Variants in MCMDC2 observed in about 807,000 individuals in gnomAD.
The protein encoded by MCMDC2 is minichromosome maintenance domain containing 2.
In MCMDC2, 54 loss-of-function variants were observed where a neutral mutation model predicts 75.8. The ratio of observed to expected loss-of-function variants is 0.71; its 90% CI spans 0.57 to 0.89. MCMDC2 has a LOEUF of 0.89. Among genes scored for constraint, MCMDC2 ranks in the 40% least tolerant of loss-of-function variants. The pLI is 0.00. For synonymous variants in MCMDC2, 249 were observed against 274.6 expected, an observed-to-expected ratio of 0.91 and a Z score of 0.92; for missense variants, 656 against 780.4, an observed-to-expected ratio of 0.84 and a Z score of 1.90.
intron 1 of MCMDC2, chr8:66,871,502 C>T (rs1811016129): frequency 6.6e-6 from 1 of 152,200 alleles, no homozygotes; most frequent in Non-Finnish European, 1.5e-5. Flanking sequence ...CCATTTCGTT[C>T]CTAATGCCCT....
intron 8 of MCMDC2, among the ~76,000 whole-genome samples, chr8:66,881,654 C>A (rs943999748): frequency 4.6e-5 from 7 of 152,048 alleles, no homozygotes; most frequent in Admixed American, 3.9e-4. Context: ...CCACTGTATT[C>A]CAGCCTGAGT....
intron 8 of MCMDC2, among the ~76,000 whole-genome samples, chr8:66,881,436 C>A (rs1024618884): frequency 6.6e-6 from 1 of 152,216 alleles, no homozygotes; most frequent in African/African-American, 2.4e-5. Flanking sequence ...CGCCTGTAAT[C>A]CCAGCACTGT....
At chr8:66,925,627 A>AT (rs1370216729), downstream of MCMDC2, 1 of 152,198 alleles carries the variant, frequency 6.6e-6, no homozygotes, top group Admixed American at 6.5e-5. Flanking sequence ...GCGGGTGCGA[A>AT]GGGGGGCTGA....
At chr8:66,908,192 T>TA (rs1812978028) in intron 14 of MCMDC2, among the ~76,000 whole-genome samples, 1 of 152,246 alleles carries the variant, frequency 6.6e-6, no homozygotes. Context: ...CTAGGGTTTT[T>TA]ATGCTTTTAG....
chr8:66,905,906 G>A (rs1812887878), intron 14 of MCMDC2, among the ~76,000 whole-genome samples: 1 of 151,798 alleles, frequency 6.6e-6, no homozygotes, highest in Non-Finnish European at 1.5e-5. Flanking sequence ...TCAGGAGGCT[G>A]AGGCAAGAGA....
chr8:66,904,589 C>T (rs1207074652), intron 13 of MCMDC2, among the ~76,000 whole-genome samples: 2 of 152,108 alleles, frequency 1.3e-5, no homozygotes, highest in African/African-American at 4.8e-5. Flanking sequence ...TCTAGAGACT[C>T]AGCCTAGGTT....
intron 14 of MCMDC2, among the ~76,000 whole-genome samples, chr8:66,913,962 TAAAAAAA>T (rs961586876): frequency 3.8e-5 from 3 of 78,600 alleles, no homozygotes; most frequent in African/African-American, 1.0e-4. Context: ...AGACTCTGTC[TAAAAAAA>T]AAAAAAAAAA....
chr8:66,915,435 A>G (rs1261811784), intron 14 of MCMDC2, among the ~76,000 whole-genome samples: 1 of 150,270 alleles, frequency 6.7e-6, no homozygotes, highest in Non-Finnish European at 1.5e-5. Context: ...CTAGGTGACA[A>G]AGCCAGACTC....
chr8:66,911,004 A>G (rs1449037936), intron 14 of MCMDC2, among the ~76,000 whole-genome samples: 1 of 152,198 alleles, frequency 6.6e-6, no homozygotes, highest in African/African-American at 2.4e-5. Flanking sequence ...CTTATCTCAG[A>G]TGAGACTTTG....
chr8:66,923,923 C>T (rs1207006805), downstream of MCMDC2, among the ~76,000 whole-genome samples: 1 of 151,950 alleles, frequency 6.6e-6, no homozygotes, highest in Non-Finnish European at 1.5e-5. Flanking sequence ...AAGCTATCCA[C>T]ACCACCCCCC....
chr8:66,920,161 G>A lies in MCMDC2; in HGVS notation c.*992G>A, dbSNP rs1813467756. 1 of 152,216 alleles carries A rather than the reference G, an allele frequency of 6.6e-6. No homozygotes were observed. Among genetic ancestry groups the A allele is most frequent in the African/African-American group, 2.4e-5 (1 of 41,436 alleles). 9.4% of individuals were successfully genotyped at this position (152,216 alleles called of 1,614,324 possible). On this transcript the variant is annotated 3_prime_UTR_variant, in exon 15 of 15. Transcript: ENST00000422365. Reference sequence around the variant, plus strand: ...TCTCCCACTCTCCACAGGACCCGGAGGAAGTTGTTCACTATTACTGAATAC... The same window carrying A: ...TCTCCCACTCTCCACAGGACCCGGAAGAAGTTGTTCACTATTACTGAATAC...
intron 5 of MCMDC2, among the ~76,000 whole-genome samples, chr8:66,878,038 C>CTTATTGCGGGGGACCTTATTGCA (rs1299929281): frequency 1.3e-5 from 2 of 151,892 alleles, no homozygotes; most frequent in Non-Finnish European, 2.9e-5. Context: ...TCTCCCCCGC[C>CTTATTGCGGGGGACCTTATTGCA]CCCATCTTAA....
At position 66,919,335 on chromosome 8, in the gene MCMDC2, T is replaced by A. The variant is rs1813433878; in HGVS notation, c.*166T>A. 4.1e-6 allele frequency: 2 copies of A among 493,180 alleles called. No individual in the cohort carries two copies. The highest frequency in any genetic ancestry group is 7.0e-5 in the East Asian group (2 of 28,648). The allele number at this position is 493,180 out of a possible 1,614,324, so 30.6% of individuals were successfully genotyped here. ...TAGTCCCCTCAAAACTAATTGCTAA[T>A]GGGATAAATACTAATCCAAACCTCT... On this transcript the variant is annotated 3_prime_UTR_variant, in exon 15 of 15. Transcript: ENST00000422365.
chr8:66,893,547 C>T (rs778501737), intron 10 of MCMDC2, among the ~76,000 whole-genome samples: 3 of 152,134 alleles, frequency 2.0e-5, no homozygotes, highest in Non-Finnish European at 4.4e-5. Flanking sequence ...AGGGCTTGTG[C>T]AGGGAAACTC....
rs1439896486 is a variant in MCMDC2, at chr8:66,919,095, C to T, written c.1972C>T (p.Gln658Ter). 1.3e-6 allele frequency: 2 copies of T among 1,550,696 alleles called. No homozygotes were observed. Among genetic ancestry groups the T allele is most frequent in the Non-Finnish European group, 1.7e-6 (2 of 1,146,468 alleles). Residue 658 changes from glutamine to a stop codon, truncating the protein, a stop_gained, in exon 15 of 15, where the codon CAG becomes TAG. Transcript: ENST00000422365. LOFTEE classifies it high-confidence loss of function. ...AGAGCAAAGGGATCTCTATCTGACTCAGTGCCAACAACAGCTGGAACAATT... is the reference window on the plus strand; with the variant it reads ...AGAGCAAAGGGATCTCTATCTGACTTAGTGCCAACAACAGCTGGAACAATT... Reference protein sequence around the residue: ...YLEQRDLYLTQCQQQLEQFIA... With the variant: ...YLEQRDLYLT
intron 12 of MCMDC2, 52 bp from the exon 13 acceptor site, chr8:66,901,154 A>T: frequency 7.4e-7 from 1 of 1,351,698 alleles, no homozygotes; most frequent in Non-Finnish European, 1.1e-6. Context: ...GATTTCTGTT[A>T]TATTGATTCC....
At chr8:66,899,949 GTC>G (rs1042350467) in intron 12 of MCMDC2, among the ~76,000 whole-genome samples, 1 of 143,626 alleles carries the variant, frequency 7.0e-6, no homozygotes, top group Non-Finnish European at 1.5e-5. Context: ...TGGTGAAACT[GTC>G]TCTACTAAAA....
At chr8:66,908,458 G>A (rs1211429853) in intron 14 of MCMDC2, among the ~76,000 whole-genome samples, 1 of 152,110 alleles carries the variant, frequency 6.6e-6, no homozygotes, top group Non-Finnish European at 1.5e-5. Flanking sequence ...TTTATGTGCT[G>A]TAAAGAAAAA....
intron 12 of MCMDC2, among the ~76,000 whole-genome samples, chr8:66,898,945 G>A (rs1202337100): frequency 1.3e-5 from 2 of 152,190 alleles, no homozygotes; most frequent in African/African-American, 4.8e-5. Flanking sequence ...TAGGATTTTG[G>A]CATATTTACA....
Sources: allele counts gnomAD v4.1 joint callset (sites outside exome capture counted in the v4.1 genomes callset), GRCh38; gene constraint gnomAD v4.1.1; transcripts MANE v1.5; gene names NCBI Gene and HGNC (gene_info 2026-07-23, HGNC 2026-07-21).